The following PSG11 variants were observed in gnomAD, a reference collection of about 807,000 sequenced individuals.
PSG11 encodes pregnancy specific beta-1-glycoprotein 11, also known as pregnancy-specific beta-1-glycoprotein 11.
Under a neutral mutation model 36.0 loss-of-function variants are expected in PSG11, and 42 were observed. The observed-to-expected ratio is 1.17, with a 90% CI of 0.91 to 1.51. The LOEUF is 1.51. PSG11 is among the 40% of genes most tolerant of loss of function. The pLI, the probability that PSG11 is intolerant of heterozygous loss-of-function variation, is 0.00. For synonymous variants in PSG11, 206 were observed against 153.5 expected (o/e 1.34, Z -2.53); for missense variants, 558 against 403.5 (o/e 1.38, Z -3.28).
intron 4 of PSG11, among the ~76,000 whole-genome samples, chr19:43,013,449 G>A (rs1466103079): frequency 6.6e-6 from 1 of 151,200 alleles, no homozygotes; most frequent in Non-Finnish European, 1.5e-5. Context: ...ATGAACAAAG[G>A]ATTAAAATGG....
chr19:43,009,613 G>A (rs1974021942), intron 5 of PSG11, among the ~76,000 whole-genome samples: 1 of 151,434 alleles, frequency 6.6e-6, no homozygotes, highest in Non-Finnish European at 1.5e-5. Flanking sequence ...AAGAAGTCAA[G>A]CAATACTTTG....
rs1006492161 is a variant in PSG11 at position 43,015,360 on chromosome 19, G to C, written c.720C>G (p.Asp240Glu). 3.1e-6 allele frequency: 5 copies of C among 1,609,608 alleles called. No individual in the cohort carries two copies. Among genetic ancestry groups the C allele is most frequent in the Admixed American group, 3.3e-5 (2 of 59,718 alleles). Residue 240 changes from aspartate to glutamate, a missense_variant, in exon 4 of 6, where the codon GAC (aspartate) becomes GAG (glutamate). Transcript: ENST00000320078. ...PVTLNLLHGP[D>E]LPRIFPSVTS... ...TGACTGAAGGGAAAATTCTGGGGAG[G>C]TCTGGACCATCTGGAGGAAAGAGAA...
chr19:43,024,720 A>T lies in PSG11; in HGVS notation c.401T>A (p.Val134Glu). 1 of 1,610,400 alleles carries T rather than the reference A, an allele frequency of 6.2e-7. No individual in the cohort carries two copies. The highest frequency in any genetic ancestry group is 8.5e-7 in the Non-Finnish European group (1 of 1,178,500). The change falls in exon 2 of 6, where the codon GTA becomes GAA. Residue 134 changes from valine to glutamate, a missense_variant. Coordinates refer to ENST00000320078, the MANE Select transcript of PSG11 (RefSeq NM_002785.3). The stretch of plus-strand genomic sequence containing the variant: ...TAAGGTGAAGGTGAAATATCCAGTT[A>T]CTCCTCTAGTCCCATCACCTCGCTT... ...IIKRGDGTRG[V>E]TGYFTFTLYL...
chr19:43,016,100 A>T lies in PSG11; in HGVS notation c.710-730T>A, dbSNP rs1037890469. ...TGTGTGGCACCTTTGATTCCTCCAC[A>T]GGCATCCTTCAATCAGAGTTGGCAT... On this transcript the variant is annotated intron_variant, in intron 3 of 5. Coordinates refer to ENST00000320078, the MANE Select transcript of PSG11 (RefSeq NM_002785.3). 65 of 1,556,052 alleles carry T rather than the reference A, an allele frequency of 4.2e-5. No individual in the cohort carries two copies. The East Asian group carries it at 1.2e-3, about 29-fold the overall frequency.
At chr19:43,013,176 A>G (rs1342487447) in intron 4 of PSG11, among the ~76,000 whole-genome samples, 2 of 151,406 alleles carry the variant, frequency 1.3e-5, no homozygotes, top group East Asian at 3.9e-4. Flanking sequence ...CAACTCTTAG[A>G]AGAAAAGCTT....
intron 2 of PSG11, among the ~76,000 whole-genome samples, chr19:43,022,587 C>A (rs2122826656): frequency 6.6e-6 from 1 of 151,464 alleles, no homozygotes; most frequent in South Asian, 2.1e-4. Flanking sequence ...TAAAAATCAC[C>A]ATTTCAATAA....
In PSG11 at chr19:43,010,216, C is replaced by T. The variant is rs1035097728; in HGVS notation, c.965-175G>A. The T allele has an allele frequency of 2.8e-6, 4 of 1,451,770 alleles. No individual in the cohort carries two copies. In the African/African-American group the frequency reaches 4.3e-5, roughly 16 times the overall value. The allele number at this position is 1,451,770 out of a possible 1,614,324, so 89.9% of individuals were successfully genotyped here. Reference sequence around the variant, plus strand: ...TATTCTTGCAGTTTTTTTTCCCTCTCACCATGTTTCTCAGTTGGTGATCAG... The same window carrying T: ...TATTCTTGCAGTTTTTTTTCCCTCTTACCATGTTTCTCAGTTGGTGATCAG... On this transcript the variant is annotated intron_variant, in intron 4 of 5. Transcript: ENST00000320078.
Position 43,014,658 on chromosome 19 carries a change from C to T in PSG11, c.964+458G>A, listed in dbSNP as rs373964799. The T allele has an allele frequency of 2.5e-5, 28 of 1,126,050 alleles. 2 individuals carry two copies. In the East Asian group the frequency reaches 5.0e-4, roughly 20 times the overall value. 69.8% of individuals were successfully genotyped at this position (1,126,050 alleles called of 1,614,324 possible). A position where few individuals can be genotyped will look rare whatever the true frequency, so the allele number is the denominator to read the frequency against. ...AGCAGAGCAGGAAGCAGAGTCTGAG[C>T]TGCTCCTCCCTCACCCAAGGGGCTT... On this transcript the variant is annotated intron_variant, in intron 4 of 5. Transcript: ENST00000320078.
chr19:43,014,743 G>T (rs1966914870), intron 4 of PSG11: 2 of 1,223,980 alleles, frequency 1.6e-6, no homozygotes, highest in Non-Finnish European at 2.1e-6. Context: ...GTTCCTTGTA[G>T]TTCATGGAAG....
intron 2 of PSG11, among the ~76,000 whole-genome samples, chr19:43,020,547 T>C (rs1967078337): frequency 6.6e-6 from 1 of 151,504 alleles, no homozygotes; most frequent in Admixed American, 6.6e-5. Flanking sequence ...GTGGAAATTT[T>C]TACTGATGGT....
intron 2 of PSG11, among the ~76,000 whole-genome samples, chr19:43,021,845 G>A (rs1032869581): frequency 6.6e-6 from 1 of 151,340 alleles, no homozygotes; most frequent in Non-Finnish European, 1.5e-5. Context: ...GAGCTCATGG[G>A]CTTTGGAGAC....
chr19:43,018,571 C>G, intron 3 of PSG11, 199 bp downstream of exon 3: 1 of 1,295,128 alleles, frequency 7.7e-7, no homozygotes, highest in Non-Finnish European at 1.1e-6. Flanking sequence ...CCTCCCATGA[C>G]AGGAGCAGCC....
At chr19:43,019,730 G>GA (rs1243640384) in intron 2 of PSG11, 1 of 153,098 alleles carries the variant, frequency 6.5e-6, no homozygotes, top group African/African-American at 2.4e-5. Flanking sequence ...GAGTGAAGGG[G>GA]ACAGGCAAGA....
In PSG11 at chr19:43,012,104, A is replaced by C. The variant is rs568356135; in HGVS notation, c.965-2063T>G. Among the ~76,000 whole-genome samples the C allele has an allele frequency of 2.1e-3, 313 of 151,434 alleles. 10 individuals carry two copies. The highest frequency in any genetic ancestry group is 7.4e-3 in the African/African-American group (305 of 41,118). On this transcript the variant is annotated intron_variant, in intron 4 of 5. Coordinates refer to ENST00000320078, the MANE Select transcript of PSG11 (RefSeq NM_002785.3). ...TCCATAAAAGCATTTGATGAAATTC[A>C]ATATTTTTTCATAAGAAAAACATTC...
chr19:43,021,218 C>CT (rs1423149784), intron 2 of PSG11, among the ~76,000 whole-genome samples: 1 of 151,374 alleles, frequency 6.6e-6, no homozygotes, highest in Non-Finnish European at 1.5e-5. Context: ...TGTTGATCCA[C>CT]TTTTTTTCCC....
chr19:43,019,117 C>G (rs1190337591), intron 2 of PSG11, 69 bp from the exon 3 acceptor site: 1 of 1,569,164 alleles, frequency 6.4e-7, no homozygotes, highest in Non-Finnish European at 8.6e-7. Context: ...ATTTTTCAAT[C>G]AGAATTGGCA....
chr19:43,021,614 G>A (rs2122823204), intron 2 of PSG11, among the ~76,000 whole-genome samples: 1 of 151,558 alleles, frequency 6.6e-6, no homozygotes, highest in East Asian at 1.9e-4. Flanking sequence ...CCAAAGTGCT[G>A]CGATTATAGG....
chr19:43,015,633 G>GC, intron 3 of PSG11: 1 of 1,489,306 alleles, frequency 6.7e-7, no homozygotes, highest in Non-Finnish European at 9.0e-7. Flanking sequence ...TTTTCCCAGG[G>GC]CAGGGAGTCA....
At chr19:43,020,604 C>T (rs1389297550) in intron 2 of PSG11, among the ~76,000 whole-genome samples, 1 of 151,272 alleles carries the variant, frequency 6.6e-6, no homozygotes, top group Non-Finnish European at 1.5e-5. Flanking sequence ...CTCTTGAGAC[C>T]AACATAAGGT....
Sources: gnomAD v4.1 joint callset for allele counts (sites outside exome capture counted in the v4.1 genomes callset) on GRCh38, gnomAD v4.1.1 for gene constraint, MANE v1.5 for transcripts, NCBI Gene and HGNC (gene_info 2026-07-23, HGNC 2026-07-21) for gene names.